Variants in CSMD1 observed in about 807,000 individuals in gnomAD.
The protein encoded by CSMD1 is CUB and Sushi multiple domains 1, also known as CUB and sushi domain-containing protein 1.
CSMD1 carries 213 observed loss-of-function variants against 417.5 expected under a neutral mutation model. The observed-to-expected ratio is 0.51, with a 90% CI of 0.46 to 0.57. The LOEUF is 0.57. CSMD1 is among the 20% of genes least tolerant of loss of function. The probability of loss-of-function intolerance (pLI) is 0.00; values close to 1 mark genes in which losing one functional copy is unlikely to be tolerated. For missense variants in CSMD1, 6,923 were observed against 4,529.7 expected (o/e 1.53, Z -15.17); for synonymous variants, 2,862 against 1,736.8 (o/e 1.65, Z -16.11).
chr8:3,826,944 A>AT (rs1438170739), intron 5 of CSMD1, among the ~76,000 whole-genome samples: 8 of 151,804 alleles, frequency 5.3e-5, no homozygotes, highest in Admixed American at 2.0e-4. Context: ...GTGCCTAGCT[A>AT]TTTTTTTAAA....
intron 3 of CSMD1, among the ~76,000 whole-genome samples, chr8:4,348,946 C>T (rs1363394330): frequency 5.9e-5 from 9 of 152,136 alleles, no homozygotes; most frequent in Non-Finnish European, 1.2e-4. Context: ...CAGACAGTGC[C>T]CTCAGAATAC....
intron 1 of CSMD1, among the ~76,000 whole-genome samples, chr8:4,965,047 G>C (rs763441873): frequency 2.6e-5 from 4 of 152,112 alleles, no homozygotes; most frequent in African/African-American, 7.2e-5. Flanking sequence ...TTTAAAGAAG[G>C]AATCAAATAT....
intron 68 of CSMD1, among the ~76,000 whole-genome samples, chr8:2,943,671 T>C (rs1377386446): frequency 6.6e-6 from 1 of 152,196 alleles, no homozygotes; most frequent in Non-Finnish European, 1.5e-5. Context: ...TCCACAGACC[T>C]TTATTAAGCA....
intron 1 of CSMD1, among the ~76,000 whole-genome samples, chr8:4,707,079 C>T (rs1807991985): frequency 6.6e-6 from 1 of 152,154 alleles, no homozygotes; most frequent in African/African-American, 2.4e-5. Context: ...GGAAAGATCA[C>T]CCTGGCAGCT....
chr8:4,632,403 T>A (rs888712475), intron 2 of CSMD1, among the ~76,000 whole-genome samples: 3 of 151,972 alleles, frequency 2.0e-5, no homozygotes, highest in Admixed American at 2.0e-4. Context: ...TCCCAGTTAC[T>A]CAGGAGGCTG....
At chr8:4,530,160 A>G (rs1314970857) in intron 2 of CSMD1, among the ~76,000 whole-genome samples, 2 of 151,302 alleles carry the variant, frequency 1.3e-5, no homozygotes, top group Non-Finnish European at 3.0e-5. Context: ...TGATCTGCCC[A>G]CCTCAGCCTC....
rs1813107668 is a variant in CSMD1 at position 3,415,833 on chromosome 8, G to A, written c.1562-6228C>T. ...AAATGGAAGACAAAACTTCTTTATT[G>A]GTAAAATGGATCTATGTTGTTTAGA... On this transcript the variant is annotated intron_variant, in intron 12 of 69. Coordinates refer to ENST00000635120, the MANE Select transcript of CSMD1 (RefSeq NM_033225.6). Among the ~76,000 whole-genome samples the A allele has an allele frequency of 2.0e-5, 3 of 152,080 alleles. No individual in the cohort carries two copies. In the South Asian group the frequency reaches 6.2e-4, roughly 32 times the overall value.
At chr8:4,097,984 T>G (rs890499354) in intron 3 of CSMD1, among the ~76,000 whole-genome samples, 1 of 152,114 alleles carries the variant, frequency 6.6e-6, no homozygotes, top group Non-Finnish European at 1.5e-5. Context: ...AATCTGTGGA[T>G]CAGATGGAAA....
chr8:4,051,928 TTC>T (rs1798454051), intron 3 of CSMD1, among the ~76,000 whole-genome samples: 2 of 151,594 alleles, frequency 1.3e-5, no homozygotes, highest in African/African-American at 2.4e-5. Context: ...TTCTTTTTCT[TTC>T]TTTCTTTCTT....
At chr8:3,953,140 A>G (rs1331671040) in intron 5 of CSMD1, among the ~76,000 whole-genome samples, 1 of 152,074 alleles carries the variant, frequency 6.6e-6, no homozygotes, top group Non-Finnish European at 1.5e-5. Context: ...ACCCTAAAAA[A>G]TACCATTTAT....
chr8:4,149,293 A>G (rs372789462), intron 3 of CSMD1, among the ~76,000 whole-genome samples: 101 of 152,314 alleles, frequency 6.6e-4, no homozygotes, highest in African/African-American at 2.4e-3. Context: ...AAAAAAGTAA[A>G]GATAAGCTTT....
chr8:4,684,468 G>A (rs1033146262), intron 1 of CSMD1, among the ~76,000 whole-genome samples: 18 of 152,006 alleles, frequency 1.2e-4, no homozygotes, highest in Admixed American at 1.0e-3. Context: ...TTTGAGACGG[G>A]GTCTTGCTGG....
At chr8:4,935,704 T>C (rs1807568169) in intron 1 of CSMD1, among the ~76,000 whole-genome samples, 1 of 152,168 alleles carries the variant, frequency 6.6e-6, no homozygotes, top group Admixed American at 6.5e-5. Flanking sequence ...CTTGTTAGGA[T>C]TGAGGAATGG....
At chr8:4,863,713 A>G (rs1802266034) in intron 1 of CSMD1, among the ~76,000 whole-genome samples, 1 of 152,016 alleles carries the variant, frequency 6.6e-6, no homozygotes, top group South Asian at 2.1e-4. Flanking sequence ...ACAATAAAAG[A>G]CTTATCCTTT....
At chr8:4,592,299 C>G (rs1186358347) in intron 2 of CSMD1, among the ~76,000 whole-genome samples, 1 of 151,548 alleles carries the variant, frequency 6.6e-6, no homozygotes, top group Non-Finnish European at 1.5e-5. Flanking sequence ...GGTATATTTA[C>G]AGTGGTAATT....
At chr8:3,270,120 G>T (rs982688552) in intron 26 of CSMD1, among the ~76,000 whole-genome samples, 5 of 130,078 alleles carry the variant, frequency 3.8e-5, no homozygotes, top group South Asian at 5.2e-4. Flanking sequence ...CACTGTCTTG[G>T]CCCACTGCAA....
chr8:3,020,688 C>T (rs1273162080), intron 51 of CSMD1, among the ~76,000 whole-genome samples: 1 of 152,082 alleles, frequency 6.6e-6, no homozygotes, highest in Non-Finnish European at 1.5e-5. Context: ...TATGATAGGA[C>T]AACCGAGGCT....
At chr8:3,366,834 G>T (rs1465913324) in intron 20 of CSMD1, among the ~76,000 whole-genome samples, 198 bp downstream of exon 20, 1 of 152,126 alleles carries the variant, frequency 6.6e-6, no homozygotes, top group African/African-American at 2.4e-5. Flanking sequence ...GCATTTTCTG[G>T]ATGCCACATA....
At chr8:3,424,845 T>A (rs917980291) in intron 12 of CSMD1, among the ~76,000 whole-genome samples, 11 of 152,308 alleles carry the variant, frequency 7.2e-5, no homozygotes, top group Middle Eastern at 3.4e-3. Flanking sequence ...TTTTTTTAAA[T>A]ATTATTTTAT....
Sources: gnomAD v4.1 joint callset for allele counts (sites outside exome capture counted in the v4.1 genomes callset) on GRCh38, gnomAD v4.1.1 for gene constraint, MANE v1.5 for transcripts, NCBI Gene and HGNC (gene_info 2026-07-23, HGNC 2026-07-21) for gene names.